Variants in NLGN1 observed in about 807,000 individuals in gnomAD.
NLGN1 encodes the protein neuroligin 1, also known as neuroligin-1.
A neutral mutation model predicts 65.5 loss-of-function variants in NLGN1; 12 were observed. That is an observed-to-expected ratio of 0.18 (90% CI 0.12 to 0.30). NLGN1 has a LOEUF of 0.30. Ranked by LOEUF, NLGN1 falls within the 10% of genes least tolerant of loss-of-function variation. The probability of loss-of-function intolerance (pLI) is 1.00; values close to 1 mark genes in which losing one functional copy is unlikely to be tolerated. For synonymous variants in NLGN1, 350 were observed against 359.5 expected, an observed-to-expected ratio of 0.97 and a Z score of 0.30; for missense variants, 750 against 1,007.1, an observed-to-expected ratio of 0.74 and a Z score of 3.46.
chr3:174,143,644 C>G (rs1312157685), intron 4 of NLGN1, among the ~76,000 whole-genome samples: 1 of 152,066 alleles, frequency 6.6e-6, no homozygotes. Context: ...GGGGGGTATA[C>G]AGCATCTCCC....
At chr3:173,484,875 G>A (rs1727906073) in intron 2 of NLGN1, among the ~76,000 whole-genome samples, 1 of 151,966 alleles carries the variant, frequency 6.6e-6, no homozygotes, top group Non-Finnish European at 1.5e-5. Context: ...CAAATGGCTT[G>A]TCTTACCCTC....
intron 4 of NLGN1, among the ~76,000 whole-genome samples, chr3:173,991,955 G>C (rs983093841): frequency 6.6e-6 from 1 of 152,068 alleles, no homozygotes; most frequent in Non-Finnish European, 1.5e-5. Flanking sequence ...AGCCTCCTGA[G>C]TAGCTTGGAT....
At chr3:174,271,541 G>C (rs1185635828) in intron 4 of NLGN1, among the ~76,000 whole-genome samples, 1 of 151,520 alleles carries the variant, frequency 6.6e-6, no homozygotes, top group Non-Finnish European at 1.5e-5. Context: ...TTTTCCCCTT[G>C]TCCGGTTTAT....
intron 4 of NLGN1, among the ~76,000 whole-genome samples, chr3:173,959,361 G>A (rs1431860003): frequency 6.6e-6 from 1 of 152,334 alleles, no homozygotes; most frequent in Admixed American, 6.5e-5. Flanking sequence ...ACCAGAAGCA[G>A]GAAACACCTA....
At chr3:174,172,266 C>T (rs570487519) in intron 4 of NLGN1, among the ~76,000 whole-genome samples, 4 of 152,198 alleles carry the variant, frequency 2.6e-5, no homozygotes, top group South Asian at 2.1e-4. Flanking sequence ...GTATCCATCA[C>T]TTCAAGCATT....
At chr3:173,675,885 TCTCACA>T (rs1471743118) in intron 3 of NLGN1, among the ~76,000 whole-genome samples, 2 of 121,066 alleles carry the variant, frequency 1.7e-5, no homozygotes, top group Admixed American at 1.6e-4. Flanking sequence ...TCTCTCTCTC[TCTCACA>T]CACACACACA....
intron 4 of NLGN1, among the ~76,000 whole-genome samples, chr3:173,848,729 T>A (rs774246207): frequency 2.0e-5 from 3 of 152,200 alleles, no homozygotes. Flanking sequence ...GCTTGTTGAT[T>A]TTCCTAGCTA....
At chr3:174,277,962 G>A (rs2152891059) in intron 5 of NLGN1, among the ~76,000 whole-genome samples, 1 of 151,858 alleles carries the variant, frequency 6.6e-6, no homozygotes, top group Non-Finnish European at 1.5e-5. Context: ...TTTAAAACAG[G>A]AATTTTATCC....
chr3:174,201,796 T>G (rs1734558581), intron 4 of NLGN1, among the ~76,000 whole-genome samples: 1 of 152,182 alleles, frequency 6.6e-6, no homozygotes, highest in Non-Finnish European at 1.5e-5. Flanking sequence ...ATATAATGAA[T>G]CTAAGTATCC....
intron 3 of NLGN1, among the ~76,000 whole-genome samples, chr3:173,737,314 A>T (rs545409431): frequency 9.5e-4 from 144 of 152,108 alleles, no homozygotes; most frequent in Non-Finnish European, 1.7e-3. Context: ...CAGTGGTTTT[A>T]ACTATATTCA....
At chr3:173,630,754 A>G (rs1413648480) in intron 3 of NLGN1, among the ~76,000 whole-genome samples, 1 of 152,122 alleles carries the variant, frequency 6.6e-6, no homozygotes. Flanking sequence ...TTTTCTTAAT[A>G]CAGAACAATA....
chr3:174,044,266 TG>T (rs1265676794), intron 4 of NLGN1, among the ~76,000 whole-genome samples: 1 of 152,196 alleles, frequency 6.6e-6, no homozygotes, highest in Non-Finnish European at 1.5e-5. Flanking sequence ...ATTTTAACCA[TG>T]GTCTTGGTGA....
At chr3:173,914,586 C>T (rs536107684) in intron 4 of NLGN1, among the ~76,000 whole-genome samples, 25 of 151,874 alleles carry the variant, frequency 1.6e-4, no homozygotes, top group Non-Finnish European at 3.5e-4. Flanking sequence ...AGACTTACAT[C>T]GTCAAGCTCT....
intron 4 of NLGN1, among the ~76,000 whole-genome samples, chr3:174,203,985 T>C (rs1186515016): frequency 6.6e-6 from 1 of 152,178 alleles, no homozygotes; most frequent in East Asian, 1.9e-4. Context: ...TTTTTTATCA[T>C]AGCATTAATA....
chr3:173,579,796 C>T (rs897057300), intron 2 of NLGN1, among the ~76,000 whole-genome samples: 6 of 152,134 alleles, frequency 3.9e-5, no homozygotes, highest in African/African-American at 1.4e-4. Flanking sequence ...TCCCAATTGC[C>T]ATTCATTTAG....
chr3:173,572,128 T>C (rs549621979), intron 2 of NLGN1, among the ~76,000 whole-genome samples: 2 of 152,372 alleles, frequency 1.3e-5, no homozygotes, highest in South Asian at 2.1e-4. Flanking sequence ...GTTACCATTC[T>C]ACAGAGTCTA....
At chr3:174,117,640 A>G (rs1716817580) in intron 4 of NLGN1, among the ~76,000 whole-genome samples, 1 of 151,926 alleles carries the variant, frequency 6.6e-6, no homozygotes, top group African/African-American at 2.4e-5. Flanking sequence ...TCACTGGGAT[A>G]AATGAACCAG....
At chr3:173,962,162 A>G (rs1713740412) in intron 4 of NLGN1, among the ~76,000 whole-genome samples, 1 of 152,108 alleles carries the variant, frequency 6.6e-6, no homozygotes, top group South Asian at 2.1e-4. Flanking sequence ...AAATATATAT[A>G]TTTTTAGTCT....
intron 3 of NLGN1, among the ~76,000 whole-genome samples, chr3:173,795,147 A>C (rs1263549498): frequency 6.6e-6 from 1 of 152,128 alleles, no homozygotes; most frequent in Non-Finnish European, 1.5e-5. Flanking sequence ...CCATTAGCCT[A>C]AACAGGCAGC....
Sources: allele counts gnomAD v4.1 joint callset (sites outside exome capture counted in the v4.1 genomes callset), GRCh38; gene constraint gnomAD v4.1.1; transcripts MANE v1.5; gene names NCBI Gene and HGNC (gene_info 2026-07-23, HGNC 2026-07-21).